The following NARS2 variants were observed in gnomAD, a reference collection of about 807,000 sequenced individuals.
NARS2 encodes the protein asparaginyl-tRNA synthetase 2, mitochondrial.
Under a neutral mutation model 62.9 loss-of-function variants are expected in NARS2, and 60 were observed. The observed-to-expected ratio is 0.95, with a 90% CI of 0.77 to 1.18. The LOEUF (loss-of-function observed/expected upper bound fraction) is 1.18, where lower values mean the gene tolerates loss of function less well. Ranked by LOEUF, NARS2 falls within the 50% of genes most tolerant of loss-of-function variation. The pLI, the probability that NARS2 is intolerant of heterozygous loss-of-function variation, is 0.00. For missense variants in NARS2, 619 were observed against 576.4 expected (o/e 1.07, Z -0.76); for synonymous variants, 196 against 200.0 (o/e 0.98, Z 0.17).
At chr11:78,450,023 C>T (rs1304883166) in intron 11 of NARS2, among the ~76,000 whole-genome samples, 2 of 152,178 alleles carry the variant, frequency 1.3e-5, no homozygotes, top group African/African-American at 4.8e-5. Context: ...AGCATTTGTA[C>T]AGAAGCAACG....
intron 10 of NARS2, among the ~76,000 whole-genome samples, chr11:78,466,415 G>T (rs1858625601): frequency 6.6e-6 from 1 of 152,004 alleles, no homozygotes; most frequent in Admixed American, 6.6e-5. Context: ...TAAGTCTCAG[G>T]AAATTAAATG....
intron 5 of NARS2, among the ~76,000 whole-genome samples, chr11:78,534,354 G>A (rs1200498628): frequency 6.6e-6 from 1 of 152,162 alleles, no homozygotes; most frequent in Non-Finnish European, 1.5e-5. Flanking sequence ...GCTTTTTAGT[G>A]TGCTTTGTGC....
At chr11:78,512,139 G>T (rs189751543) in intron 6 of NARS2, among the ~76,000 whole-genome samples, 4 of 152,168 alleles carry the variant, frequency 2.6e-5, no homozygotes, top group African/African-American at 9.7e-5. Context: ...TCTTAGTTCA[G>T]TTCTGACTTA....
chr11:78,505,478 C>A (rs115557344), intron 6 of NARS2, among the ~76,000 whole-genome samples: 2 of 149,834 alleles, frequency 1.3e-5, no homozygotes, highest in Non-Finnish European at 3.0e-5. Flanking sequence ...ACTGATTTTT[C>A]CCCCCAACTA....
At chr11:78,570,915 T>C (rs1448783271) in intron 2 of NARS2, among the ~76,000 whole-genome samples, 7 of 152,044 alleles carry the variant, frequency 4.6e-5, no homozygotes, top group African/African-American at 1.2e-4. Flanking sequence ...CGGGACACTA[T>C]GGGAGCACAA....
At chr11:78,490,213 G>A (rs1197610670) in intron 7 of NARS2, among the ~76,000 whole-genome samples, 1 of 152,164 alleles carries the variant, frequency 6.6e-6, no homozygotes, top group African/African-American at 2.4e-5. Flanking sequence ...AGGGAGTAAC[G>A]TCACTGAAGC....
intron 5 of NARS2, among the ~76,000 whole-genome samples, chr11:78,545,553 C>T (rs897621654): frequency 7.2e-6 from 1 of 138,838 alleles, no homozygotes. Flanking sequence ...GAGACAGAGT[C>T]TTGCTCTGTC....
intron 5 of NARS2, among the ~76,000 whole-genome samples, chr11:78,554,508 C>CGTGTGTGTGTGTGTGTCT (rs1856263642): frequency 6.8e-6 from 1 of 146,914 alleles, no homozygotes; most frequent in Non-Finnish European, 1.5e-5. Context: ...GGCGTGTGTG[C>CGTGTGTGTGTGTGTGTCT]GTGTGTGTGT....
intron 5 of NARS2, among the ~76,000 whole-genome samples, chr11:78,537,794 T>C (rs1039719120): frequency 2.0e-5 from 3 of 152,174 alleles, no homozygotes; most frequent in East Asian, 1.9e-4. Flanking sequence ...CAAGATCTTG[T>C]CCCTAATACG....
At chr11:78,482,356 CAA>C (rs1212867974) in intron 7 of NARS2, among the ~76,000 whole-genome samples, 1 of 151,778 alleles carries the variant, frequency 6.6e-6, no homozygotes, top group East Asian at 1.9e-4. Flanking sequence ...CAAGAGCAAA[CAA>C]ATTCAAAAGC....
chr11:78,448,854 T>C (rs1857859323), intron 11 of NARS2, among the ~76,000 whole-genome samples: 1 of 152,200 alleles, frequency 6.6e-6, no homozygotes, highest in Non-Finnish European at 1.5e-5. Flanking sequence ...GCTGCTAAGA[T>C]AACTAAAACA....
rs1858993184 is a variant in NARS2 at position 78,474,242 on chromosome 11, T to C, written c.959+4196A>G. ...ATAAGGCAGAGTATTTTTTTATAGA[T>C]GAGGAAACTGAAGTTCAGAAAAGTT... On this transcript the variant is annotated intron_variant, in intron 9 of 13. Coordinates refer to ENST00000281038, the MANE Select transcript of NARS2 (RefSeq NM_024678.6). Among the ~76,000 whole-genome samples the C allele has an allele frequency of 2.6e-5, 4 of 152,198 alleles. No individual in the cohort carries two copies. In the South Asian group the frequency reaches 8.3e-4, roughly 32 times the overall value.
intron 11 of NARS2, among the ~76,000 whole-genome samples, chr11:78,463,882 A>T (rs1858501176): frequency 6.6e-6 from 1 of 152,044 alleles, no homozygotes; most frequent in Admixed American, 6.5e-5. Context: ...TCTATTTGAT[A>T]GTCCAAACCA....
intron 5 of NARS2, among the ~76,000 whole-genome samples, chr11:78,530,805 A>G (rs1269404778): frequency 6.6e-6 from 1 of 152,166 alleles, no homozygotes; most frequent in Admixed American, 6.5e-5. Flanking sequence ...CAGCACTTGT[A>G]CAGAATGATT....
intron 5 of NARS2, among the ~76,000 whole-genome samples, chr11:78,559,234 C>CCT (rs1856472864): frequency 8.2e-6 from 1 of 122,466 alleles, no homozygotes; most frequent in Non-Finnish European, 1.6e-5. Flanking sequence ...ACCCTAGAGG[C>CCT]GGAGGTTGCA....
intron 7 of NARS2, among the ~76,000 whole-genome samples, chr11:78,482,651 A>C (rs1202273731): frequency 6.6e-6 from 1 of 152,214 alleles, no homozygotes; most frequent in Non-Finnish European, 1.5e-5. Flanking sequence ...GAAGAAATGG[A>C]TAAATTCCTG....
At chr11:78,447,398 G>T (rs991379609) in intron 11 of NARS2, among the ~76,000 whole-genome samples, 8 of 152,120 alleles carry the variant, frequency 5.3e-5, no homozygotes, top group African/African-American at 1.9e-4. Context: ...TACACTGTTG[G>T]TGGGAATGTA....
At chr11:78,493,388 C>T (rs1052731641) in intron 6 of NARS2, among the ~76,000 whole-genome samples, 193 bp from the exon 7 acceptor site, 1 of 152,276 alleles carries the variant, frequency 6.6e-6, no homozygotes, top group Non-Finnish European at 1.5e-5. Flanking sequence ...TACATTGAGG[C>T]TGGGCACAGT....
At chr11:78,511,788 G>C (rs1197750001) in intron 6 of NARS2, among the ~76,000 whole-genome samples, 5 of 151,854 alleles carry the variant, frequency 3.3e-5, no homozygotes, top group Non-Finnish European at 5.9e-5. Context: ...ATTTTAAATG[G>C]GTTCATTTTT....
Sources: allele counts gnomAD v4.1 joint callset (sites outside exome capture counted in the v4.1 genomes callset), GRCh38; gene constraint gnomAD v4.1.1; transcripts MANE v1.5; gene names NCBI Gene and HGNC (gene_info 2026-07-23, HGNC 2026-07-21).